C8orf89: variants seen among roughly 807,000 people sequenced by gnomAD.
The protein encoded by C8orf89 is chromosome 8 open reading frame 89, also known as putative uncharacterized protein C8orf89.
C8orf89 carries 14 observed loss-of-function variants against 15.8 expected under a neutral mutation model. The observed-to-expected ratio is 0.89, with a 90% CI of 0.59 to 1.39. The LOEUF (loss-of-function observed/expected upper bound fraction) is 1.39. Among genes scored for constraint, C8orf89 ranks in the 40% most tolerant of loss-of-function variants. C8orf89 has a pLI of 0.00. For synonymous variants in C8orf89, 55 were observed against 62.2 expected, an observed-to-expected ratio of 0.88 and a Z score of 0.54; for missense variants, 181 against 184.5, an observed-to-expected ratio of 0.98 and a Z score of 0.11.
rs147269399 is a variant in C8orf89 at position 73,242,159 on chromosome 8, T to C, written c.338-554A>G. Among the ~76,000 whole-genome samples the C allele has an allele frequency of 1.7e-3, 263 of 152,096 alleles. 1 individual carries two copies. Among genetic ancestry groups the C allele is most frequent in the African/African-American group, 5.6e-3 (232 of 41,504 alleles). On this transcript the variant is annotated intron_variant, in intron 3 of 3. Transcript: ENST00000624510. ...GACAAATGAGATCACATCAAGTTAT[T>C]AATAAAAAGTGTCTGCACAGCAAAG...
intron 2 of C8orf89, among the ~76,000 whole-genome samples, chr8:73,254,192 A>C (rs1022022927): frequency 6.6e-6 from 1 of 152,120 alleles, no homozygotes; most frequent in African/African-American, 2.4e-5. Flanking sequence ...TGAGATAATC[A>C]TGTGGTTTTT....
chr8:73,241,414 G>T lies in C8orf89; in HGVS notation c.*43C>A. 1 of 1,365,622 alleles carries T rather than the reference G, an allele frequency of 7.3e-7. No individual in the cohort carries two copies. 84.6% of individuals were successfully genotyped at this position (1,365,622 alleles called of 1,614,324 possible). On this transcript the variant is annotated 3_prime_UTR_variant, in exon 4 of 4. Coordinates refer to ENST00000624510, the MANE Select transcript of C8orf89 (RefSeq NM_001243237.3). ...ATCATATAAAAAAAGAAAATATAAA[G>T]CTTAAAAGTCACTGAAGAAAGCATC...
intron 1 of C8orf89, among the ~76,000 whole-genome samples, chr8:73,258,745 C>G (rs914492239): frequency 2.8e-4 from 43 of 151,688 alleles, no homozygotes; most frequent in Admixed American, 2.8e-3. Flanking sequence ...TCCTTCTACC[C>G]TCAGCCTCCT....
the C8orf89 span, chr8:73,277,914 C>A: frequency 1.5e-6 from 1 of 675,342 alleles, no homozygotes; most frequent in Non-Finnish European, 2.8e-6. Context: ...TACTCCAGTG[C>A]CGCTTTCTGG....
intron 3 of C8orf89, among the ~76,000 whole-genome samples, chr8:73,242,385 GAT>G (rs1813025845): frequency 6.6e-6 from 1 of 152,276 alleles, no homozygotes; most frequent in African/African-American, 2.4e-5. Flanking sequence ...GAGGTGAGCA[GAT>G]CCCTTGAGCT....
intron 3 of C8orf89, among the ~76,000 whole-genome samples, chr8:73,243,249 C>T (rs985262421): frequency 1.3e-5 from 2 of 152,024 alleles, no homozygotes; most frequent in Non-Finnish European, 2.9e-5. Context: ...TTTGATAGCA[C>T]AACAGGGCAA....
chr8:73,243,282 C>T (rs935933919), intron 3 of C8orf89, among the ~76,000 whole-genome samples: 4 of 152,076 alleles, frequency 2.6e-5, no homozygotes, highest in African/African-American at 9.6e-5. Context: ...ATGATCTAAT[C>T]GTATATTTAA....
chr8:73,250,182 A>G (rs1813216172), intron 3 of C8orf89, 86 bp downstream of exon 3: 8 of 775,524 alleles, frequency 1.0e-5, no homozygotes, highest in Non-Finnish European at 1.6e-5. Flanking sequence ...ATAATTAATC[A>G]ATGAAAAGAA....
chr8:73,270,130 GT>G, the C8orf89 span, among the ~76,000 whole-genome samples: 7 of 151,224 alleles, frequency 4.6e-5, 1 homozygote, highest in African/African-American at 1.2e-4. Context: ...AAACAACAAA[GT>G]TTTTTTTTCA....
At chr8:73,277,461 C>T in the C8orf89 span, 2 of 1,040,584 alleles carry the variant, frequency 1.9e-6, no homozygotes, top group African/African-American at 1.6e-5. Flanking sequence ...TTTCTCGGTG[C>T]TCGAGAAGAA....
intron 2 of C8orf89, among the ~76,000 whole-genome samples, chr8:73,256,118 A>T (rs1029948191): frequency 3.4e-4 from 50 of 146,542 alleles, no homozygotes; most frequent in African/African-American, 9.7e-4. Context: ...ATAATAATAA[A>T]AAATAAATAA....
intron 2 of C8orf89, among the ~76,000 whole-genome samples, chr8:73,256,726 C>CAAAAAAAAAAAAAAAAA (rs11288188): frequency 6.9e-5 from 3 of 43,702 alleles, no homozygotes; most frequent in Admixed American, 3.1e-4. Flanking sequence ...GACTCTGTCT[C>CAAAAAAAAAAAAAAAAA]AAAAAAAAAA....
the C8orf89 span, among the ~76,000 whole-genome samples, chr8:73,282,149 A>C: frequency 6.6e-6 from 1 of 152,248 alleles, no homozygotes; most frequent in Non-Finnish European, 1.5e-5. Context: ...TCACTTAAAT[A>C]TATTCATTAA....
At chr8:73,274,417 C>T in the C8orf89 span, among the ~76,000 whole-genome samples, 1 of 152,142 alleles carries the variant, frequency 6.6e-6, no homozygotes, top group Admixed American at 6.5e-5. Context: ...TCCCAAAGTG[C>T]TGGGATTACA....
intron 3 of C8orf89, among the ~76,000 whole-genome samples, chr8:73,244,780 A>G (rs1051323244): frequency 8.5e-5 from 13 of 152,230 alleles, no homozygotes; most frequent in Admixed American, 8.5e-4. Context: ...CAGCAAAATA[A>G]CTAGATTCCA....
In C8orf89 at chr8:73,256,975, G is replaced by T. The variant is rs1241933663; in HGVS notation, c.279C>A (p.Val93=). 47 of 1,532,014 alleles carry T rather than the reference G, an allele frequency of 3.1e-5. No homozygotes were observed. The highest frequency in any genetic ancestry group is 4.0e-5 in the Non-Finnish European group (46 of 1,145,108). The allele number at this position is 1,532,014 out of a possible 1,614,324, so 94.9% of individuals were successfully genotyped here. A position where few individuals can be genotyped will look rare whatever the true frequency, so the allele number is the denominator to read the frequency against. ...AGAATTAAATAGCAATGATCTACCT[G>T]ACTGCAGACACCTCGGCATCAGCAC... ...LPRADAEVSA[V]RLKKTKETCS... Residue 93 remains valine (V), a splice_region_variant and synonymous_variant, in exon 2 of 4, where the codon GTC becomes GTA. Transcript: ENST00000624510.
intron 3 of C8orf89, 92 bp downstream of exon 3, chr8:73,250,176 T>C: frequency 1.4e-6 from 1 of 732,146 alleles, no homozygotes; most frequent in South Asian, 1.8e-5. Flanking sequence ...ACAAAGATAA[T>C]TAATCAATGA....
chr8:73,277,836 C>T, the C8orf89 span: 1 of 709,690 alleles, frequency 1.4e-6, no homozygotes, highest in Non-Finnish European at 2.7e-6. Flanking sequence ...ATTTTCTTTT[C>T]CCATAGCTGC....
the C8orf89 span, among the ~76,000 whole-genome samples, chr8:73,271,977 C>T: frequency 1.3e-5 from 2 of 152,182 alleles, no homozygotes; most frequent in Admixed American, 1.3e-4. Context: ...TTTCAGACCA[C>T]AGTAAGGGAT....
Sources: gnomAD v4.1 joint callset for allele counts (sites outside exome capture counted in the v4.1 genomes callset) on GRCh38, gnomAD v4.1.1 for gene constraint, MANE v1.5 for transcripts, NCBI Gene and HGNC (gene_info 2026-07-23, HGNC 2026-07-21) for gene names.